The following USF3 variants were observed in gnomAD, a reference collection of about 807,000 sequenced individuals.
USF3 encodes the protein upstream transcription factor family member 3.
A neutral mutation model predicts 157.5 loss-of-function variants in USF3; 29 were observed. The observed-to-expected ratio is 0.18, with a 90% CI of 0.14 to 0.25. USF3 has a LOEUF of 0.25. USF3 is among the 10% of genes least tolerant of loss of function. The pLI is 1.00. For synonymous variants in USF3, 893 were observed against 941.4 expected, an observed-to-expected ratio of 0.95 and a Z score of 0.94; for missense variants, 2,381 against 2,667.6, an observed-to-expected ratio of 0.89 and a Z score of 2.37.
Position 113,648,786 on chromosome 3 carries a change from G to C in USF3, c.*6158C>G, listed in dbSNP as rs1947209044. ...TAAAATTAGTTTTTTTTGGGTGACT[G>C]CCCTACAGTAAGCTTCTCACCCAGT... On this transcript the variant is annotated 3_prime_UTR_variant, in exon 7 of 7. Transcript: ENST00000316407. 1 of 152,426 alleles carries C rather than the reference G, an allele frequency of 6.6e-6. No homozygotes were observed. The allele number at this position is 152,426 out of a possible 1,614,324, so 9.4% of individuals were successfully genotyped here.
At chr3:113,670,005 CAA>C (rs1707111508) in intron 5 of USF3, 114 bp downstream of exon 5, 1 of 666,278 alleles carries the variant, frequency 1.5e-6, no homozygotes, top group South Asian at 1.9e-5. Flanking sequence ...TTATTAACTT[CAA>C]AAGAACCATA....
chr3:113,654,097 C>G lies in USF3; in HGVS notation c.*847G>C, dbSNP rs12493602. The stretch of plus-strand genomic sequence containing the variant: ...AGAGAGAATACTAAATTAAACTCAG[C>G]TGATGAAACATCCATTGTTAACTGC... On this transcript the variant is annotated 3_prime_UTR_variant, in exon 7 of 7. Coordinates refer to ENST00000316407, the MANE Select transcript of USF3 (RefSeq NM_001009899.4). 6.6e-6 allele frequency: 1 copy of G among 152,566 alleles called. No individual in the cohort carries two copies. Among genetic ancestry groups the G allele is most frequent in the Non-Finnish European group, 1.5e-5 (1 of 68,018 alleles). The allele number at this position is 152,566 out of a possible 1,614,324, so 9.5% of individuals were successfully genotyped here.
In USF3 at chr3:113,650,956, T is replaced by A. The variant is rs1947250435; in HGVS notation, c.*3988A>T. 1 of 152,108 alleles carries A rather than the reference T, an allele frequency of 6.6e-6. No individual in the cohort carries two copies. Among genetic ancestry groups the A allele is most frequent in the Non-Finnish European group, 1.5e-5 (1 of 68,020 alleles). 9.4% of individuals were successfully genotyped at this position (152,108 alleles called of 1,614,324 possible). ...GTCTTACAATAAAAACAAAAATAAA[T>A]TTCCTGAACCGGTATAAAACAACAT... On this transcript the variant is annotated 3_prime_UTR_variant, in exon 7 of 7. Coordinates refer to ENST00000316407, the MANE Select transcript of USF3 (RefSeq NM_001009899.4).
Position 113,652,665 on chromosome 3 carries a change from A to C in USF3, c.*2279T>G, listed in dbSNP as rs958974635. ...AGGAAGCTTTTTAGGATTAAAAAAA[A>C]AGGGGGGGGCCTGGGAGGGGTGACT... On this transcript the variant is annotated 3_prime_UTR_variant, in exon 7 of 7. Transcript: ENST00000316407. 1.3e-5 allele frequency: 2 copies of C among 152,080 alleles called. No individual in the cohort carries two copies. Among genetic ancestry groups the C allele is most frequent in the African/African-American group, 4.9e-5 (2 of 41,148 alleles). 9.4% of individuals were successfully genotyped at this position (152,080 alleles called of 1,614,324 possible).
chr3:113,663,243 T>C (rs1947514658), intron 6 of USF3, among the ~76,000 whole-genome samples: 1 of 152,218 alleles, frequency 6.6e-6, no homozygotes, highest in Admixed American at 6.5e-5. Context: ...ACGCAACTTC[T>C]ATTTTTCAAC....
rs769248134 is a variant in USF3 at position 113,657,837 on chromosome 3, T to C, written c.3845A>G (p.Tyr1282Cys). ...AGATGGTCCAGGAGGTTGACTGCCA[T>C]AGGAGCTAGATGAAACGGTCAGATT... Reference protein sequence around the residue: ...TVNLTVSSSSYGSQPPGPSLM... With the variant: ...TVNLTVSSSSCGSQPPGPSLM... Residue 1282 changes from tyrosine to cysteine, a missense_variant, in exon 7 of 7, where the codon TAT (tyrosine) becomes TGT (cysteine). By Grantham distance (194) the Tyr-to-Cys change is radical. This residue lies in a region of USF3 where 1,435 missense variants were observed against 1,550.9 expected (regional missense o/e 0.93). Transcript: ENST00000316407. 8.1e-5 allele frequency: 130 copies of C among 1,614,166 alleles called. No individual in the cohort carries two copies. The highest frequency in any genetic ancestry group is 1.1e-4 in the Non-Finnish European group (128 of 1,180,016).
In USF3 at chr3:113,652,518, T is replaced by G. The variant is rs1165971069; in HGVS notation, c.*2426A>C. 1 of 150,814 alleles carries G rather than the reference T, an allele frequency of 6.6e-6. No individual in the cohort carries two copies. Among genetic ancestry groups the G allele is most frequent in the Admixed American group, 6.6e-5 (1 of 15,060 alleles). 9.3% of individuals were successfully genotyped at this position (150,814 alleles called of 1,614,324 possible). On this transcript the variant is annotated 3_prime_UTR_variant, in exon 7 of 7. Transcript: ENST00000316407. ...TATTTTTTTGTCCCTAGGAAGCTGC[T>G]TAGTTGGCAGCAGAAAAGAGACAGG...
intron 5 of USF3, among the ~76,000 whole-genome samples, chr3:113,668,906 T>C (rs1707075671): frequency 3.3e-5 from 5 of 152,128 alleles, no homozygotes; most frequent in Admixed American, 3.3e-4. Flanking sequence ...AACAGAGTGT[T>C]CCAGAAGTAA....
At chr3:113,680,496 G>T (rs1707389702) in intron 1 of USF3, among the ~76,000 whole-genome samples, 1 of 151,388 alleles carries the variant, frequency 6.6e-6, no homozygotes, top group Non-Finnish European at 1.5e-5. Flanking sequence ...TCGGTTTGTT[G>T]ATTTTGTTTA....
chr3:113,676,505 A>G (rs1428924823), intron 2 of USF3, among the ~76,000 whole-genome samples: 1 of 152,196 alleles, frequency 6.6e-6, no homozygotes, highest in South Asian at 2.1e-4. Flanking sequence ...CTCACTCACT[A>G]TCACAAGAAC....
intron 1 of USF3, among the ~76,000 whole-genome samples, chr3:113,686,975 C>A (rs996853291): frequency 6.6e-6 from 1 of 152,060 alleles, no homozygotes; most frequent in African/African-American, 2.4e-5. Flanking sequence ...CTAGCCCACA[C>A]GCAAAGCGAG....
chr3:113,660,065 A>G lies in USF3; in HGVS notation c.1617T>C (p.Val539=), dbSNP rs1577031961. The part of the protein sequence containing the change: ...AMQVIQMAQP[V]GSAVNSAPTN... ...TTGGAGCTGAATTAACAGCTGACCC[A>G]ACTGGCTGAGCCATCTGAATCACTT... The change falls in exon 7 of 7, where the codon GTT becomes GTC. Residue 539 remains valine (V), a synonymous_variant. Transcript: ENST00000316407. 1 of 1,614,234 alleles carries G rather than the reference A, an allele frequency of 6.2e-7. No homozygotes were observed. The highest frequency in any genetic ancestry group is 1.3e-5 in the African/African-American group (1 of 75,066).
rs1947212333 is a variant in USF3, at chr3:113,648,906, AT to A, written c.*6037del. The A allele has an allele frequency of 6.6e-6, 1 of 152,144 alleles. No homozygotes were observed. The highest frequency in any genetic ancestry group is 1.5e-5 in the Non-Finnish European group (1 of 67,964). 9.4% of individuals were successfully genotyped at this position (152,144 alleles called of 1,614,324 possible). A position where few individuals can be genotyped will look rare whatever the true frequency, so the allele number is the denominator to read the frequency against. The stretch of plus-strand genomic sequence containing the variant: ...AAAATATATATATATATGTATATAT[AT>A]TTATATAGCCTGCTGAAAGTGGAAG... On this transcript the variant is annotated 3_prime_UTR_variant, in exon 7 of 7. Transcript: ENST00000316407.
In USF3 at chr3:113,658,942, G is replaced by C. The variant is rs756539973; in HGVS notation, c.2740C>G (p.Pro914Ala). The C allele has an allele frequency of 1.2e-6, 2 of 1,613,996 alleles. No homozygotes were observed. The highest frequency in any genetic ancestry group is 4.5e-5 in the East Asian group (2 of 44,900). Reference sequence around the variant, plus strand: ...TGAGATGTCTCTTGTTGTAGATTAGGGGTAGAATCTTTGGATTTTGCTGCG... The same window carrying C: ...TGAGATGTCTCTTGTTGTAGATTAGCGGTAGAATCTTTGGATTTTGCTGCG... ...MAAAKSKDST[P>A]NLQQETSQDK... is the part of the protein sequence containing the mutation. The change falls in exon 7 of 7, where the codon CCT becomes GCT. Residue 914 changes from proline to alanine, a missense_variant. This residue lies in a region of USF3 where 1,435 missense variants were observed against 1,550.9 expected (regional missense o/e 0.93). Transcript: ENST00000316407.
chr3:113,674,794 T>G (rs1420798409), intron 3 of USF3, 38 bp downstream of exon 3: 1 of 1,569,936 alleles, frequency 6.4e-7, no homozygotes, highest in South Asian at 1.1e-5. Context: ...GCTTCTTATC[T>G]GCCCAAAGCA....
chr3:113,694,525 A>G (rs1707759554), intron 1 of USF3, among the ~76,000 whole-genome samples: 1 of 152,236 alleles, frequency 6.6e-6, no homozygotes, highest in African/African-American at 2.4e-5. Flanking sequence ...GGCTGCATCC[A>G]GATTTTGCAA....
chr3:113,690,925 C>T (rs996037872), intron 1 of USF3, among the ~76,000 whole-genome samples: 1 of 152,150 alleles, frequency 6.6e-6, no homozygotes, highest in Non-Finnish European at 1.5e-5. Context: ...CGGTGGCTCA[C>T]ACCTGTAATC....
intron 5 of USF3, among the ~76,000 whole-genome samples, chr3:113,667,346 T>C (rs924457570): frequency 6.6e-6 from 1 of 152,202 alleles, no homozygotes; most frequent in African/African-American, 2.4e-5. Context: ...CTGACTTCCT[T>C]TGCACATTCT....
At position 113,660,188 on chromosome 3, in the gene USF3, C is replaced by G. The variant is rs1947455986; in HGVS notation, c.1494G>C (p.Leu498Phe). 6.2e-7 allele frequency: 1 copy of G among 1,614,022 alleles called. No homozygotes were observed. The highest frequency in any genetic ancestry group is 1.7e-5 in the Admixed American group (1 of 59,992). Residue 498 changes from leucine (L) to phenylalanine (F), a missense_variant, in exon 7 of 7, where the codon TTG (leucine) becomes TTC (phenylalanine). Transcript: ENST00000316407. The stretch of plus-strand genomic sequence containing the variant: ...GCATAGGTAAAGATGGACAAGAAGG[C>G]AATGTTACAACTACTTGCTCAACTG... ...GQPVEQVVVTLPSCPSLPMQP... is the reference protein window; with the variant it reads ...GQPVEQVVVTFPSCPSLPMQP...
Sources: gnomAD v4.1 joint callset for allele counts (sites outside exome capture counted in the v4.1 genomes callset) on GRCh38, gnomAD v4.1.1 for gene constraint, gnomAD v4.1.1 regional missense constraint, MANE v1.5 for transcripts, NCBI Gene and HGNC (gene_info 2026-07-23, HGNC 2026-07-21) for gene names.